PLD5: variants seen among roughly 807,000 people sequenced by gnomAD.
PLD5 encodes inactive phospholipase D5.
In PLD5, 36 loss-of-function variants were observed where a neutral mutation model predicts 61.1. The ratio of observed to expected loss-of-function variants is 0.59; its 90% CI spans 0.45 to 0.78. PLD5 has a LOEUF of 0.78. Among genes scored for constraint, PLD5 ranks in the 30% least tolerant of loss-of-function variants. The pLI is 0.00. For synonymous variants in PLD5, 243 were observed against 242.8 expected (o/e 1.00, Z -0.01); for missense variants, 515 against 644.4 (o/e 0.80, Z 2.17).
chr1:242,431,483 G>A (rs61845897), intron 1 of PLD5, among the ~76,000 whole-genome samples: 2 of 152,012 alleles, frequency 1.3e-5, no homozygotes, highest in Admixed American at 6.6e-5. Context: ...TTTCACTCTC[G>A]CTTGCCTCTC....
intron 4 of PLD5, among the ~76,000 whole-genome samples, chr1:242,245,134 C>T (rs951187424): frequency 1.3e-5 from 2 of 151,978 alleles, no homozygotes; most frequent in African/African-American, 4.8e-5. Flanking sequence ...AGACTTGAAC[C>T]ACTGTAATAC....
At chr1:242,523,811 C>A (rs1206288251) in intron 1 of PLD5, among the ~76,000 whole-genome samples, 1 of 152,232 alleles carries the variant, frequency 6.6e-6, no homozygotes, top group Non-Finnish European at 1.5e-5. Context: ...ACCTCCAGAA[C>A]CCCGTGCAAA....
chr1:242,133,797 G>A (rs1373282643), intron 5 of PLD5, among the ~76,000 whole-genome samples: 1 of 152,192 alleles, frequency 6.6e-6, no homozygotes. Context: ...ATAAAACCTT[G>A]AGTAGAGTAA....
chr1:242,193,347 T>C (rs1006851223), intron 5 of PLD5, among the ~76,000 whole-genome samples: 3 of 152,154 alleles, frequency 2.0e-5, no homozygotes, highest in Non-Finnish European at 2.9e-5. Flanking sequence ...AGGGAGAGAC[T>C]GAGAATTCAG....
At chr1:242,340,937 C>T (rs945868636) in intron 2 of PLD5, among the ~76,000 whole-genome samples, 25 of 151,992 alleles carry the variant, frequency 1.6e-4, no homozygotes, top group Non-Finnish European at 2.9e-4. Flanking sequence ...CCTGCGGTAT[C>T]ATTGTGTCTA....
chr1:242,420,060 C>A (rs73133745), intron 1 of PLD5, among the ~76,000 whole-genome samples: 195 of 152,274 alleles, frequency 1.3e-3, no homozygotes, highest in African/African-American at 4.5e-3. Context: ...GCTCCTGATT[C>A]TTGCTGTAGA....
rs151168974 is a variant in PLD5 at position 242,345,140 on chromosome 1, C to A, written c.326+2966G>T. Among the ~76,000 whole-genome samples the A allele has an allele frequency of 5.2e-3, 789 of 152,254 alleles. 8 individuals carry two copies. The highest frequency in any genetic ancestry group is 0.027 in the East Asian group (138 of 5,174). On this transcript the variant is annotated intron_variant, in intron 2 of 9. Coordinates refer to ENST00000536534, the MANE Select transcript of PLD5 (RefSeq NM_001372062.1). ...AGTTGAGATTTGAATGGGGCACAGC[C>A]AAACCATATCACCCACTGCAGTTGT...
chr1:242,234,651 C>T (rs1380216674), intron 4 of PLD5, among the ~76,000 whole-genome samples: 1 of 151,922 alleles, frequency 6.6e-6, no homozygotes, highest in Non-Finnish European at 1.5e-5. Flanking sequence ...AATTTATTGA[C>T]CCACTTCGGT....
chr1:242,394,413 A>T (rs1181275601), intron 1 of PLD5, among the ~76,000 whole-genome samples: 4 of 90,582 alleles, frequency 4.4e-5, no homozygotes, highest in Non-Finnish European at 6.6e-5. Context: ...TGTATATATG[A>T]GTATATATGT....
rs534478048 is a variant in PLD5 at position 242,230,064 on chromosome 1, A to G, written c.608-9949T>C. On this transcript the variant is annotated intron_variant, in intron 4 of 9. Coordinates refer to ENST00000536534, the MANE Select transcript of PLD5 (RefSeq NM_001372062.1). ...TATTAGTATTTAGTCGGTAGAGGCC[A>G]GAGATGCTGCTAAACATCCTGCATT... 2.0e-5 allele frequency among the ~76,000 whole-genome samples: 3 copies of G among 152,278 alleles called. No homozygotes were observed. In the East Asian group the frequency reaches 5.8e-4, roughly 29 times the overall value.
At chr1:242,385,697 C>T (rs1662559085) in intron 1 of PLD5, among the ~76,000 whole-genome samples, 1 of 152,118 alleles carries the variant, frequency 6.6e-6, no homozygotes. Flanking sequence ...TAAGCATTTA[C>T]CCTAACTTTT....
chr1:242,497,189 T>C (rs570269964), intron 1 of PLD5, among the ~76,000 whole-genome samples: 7 of 152,234 alleles, frequency 4.6e-5, no homozygotes, highest in African/African-American at 9.6e-5. Context: ...TGCATAAAGA[T>C]GTCACAGATT....
chr1:242,395,747 C>G (rs1170948354), intron 1 of PLD5, among the ~76,000 whole-genome samples: 1 of 152,140 alleles, frequency 6.6e-6, no homozygotes, highest in East Asian at 1.9e-4. Flanking sequence ...GGGGGACTGA[C>G]TGAGTGAAGA....
chr1:242,322,116 G>A (rs555039634), intron 2 of PLD5, among the ~76,000 whole-genome samples: 47 of 152,320 alleles, frequency 3.1e-4, no homozygotes, highest in African/African-American at 1.1e-3. Context: ...CATGTGTGAT[G>A]GGTGGGGTTG....
intron 5 of PLD5, among the ~76,000 whole-genome samples, chr1:242,131,749 T>C (rs1417670823): frequency 1.3e-5 from 2 of 152,112 alleles, no homozygotes; most frequent in Non-Finnish European, 2.9e-5. Context: ...TCCTCCTCTT[T>C]CTGCCTAGGT....
intron 5 of PLD5, among the ~76,000 whole-genome samples, chr1:242,190,681 A>T (rs1158404575): frequency 2.6e-5 from 4 of 151,902 alleles, no homozygotes; most frequent in Non-Finnish European, 4.4e-5. Context: ...CAGGAGTTGG[A>T]GATCAGGCTG....
intron 2 of PLD5, among the ~76,000 whole-genome samples, chr1:242,321,969 C>G (rs954056681): frequency 1.3e-5 from 2 of 152,136 alleles, no homozygotes; most frequent in Non-Finnish European, 2.9e-5. Context: ...CCCTGCTCAT[C>G]AAAACACCAA....
rs1558151701 is a variant in PLD5 at position 242,501,793 on chromosome 1, TATA to T, written c.189+22292_189+22294del. Among the ~76,000 whole-genome samples, 4 of 39,432 alleles carry T rather than the reference TATA, an allele frequency of 1.0e-4. No individual in the cohort carries two copies. In the East Asian group the frequency reaches 6.3e-3, roughly 62 times the overall value. 25.9% of individuals were successfully genotyped at this position (39,432 alleles called of 152,430 possible). A position where few individuals can be genotyped will look rare whatever the true frequency, so the allele number is the denominator to read the frequency against. On this transcript the variant is annotated intron_variant, in intron 1 of 9. Transcript: ENST00000536534. ...ATTAAGATATATTAATATTCCATTA[TATA>T]TATATATATATATACACTACATCAT...
intron 1 of PLD5, among the ~76,000 whole-genome samples, chr1:242,482,489 G>A (rs1167228497): frequency 6.6e-6 from 1 of 152,172 alleles, no homozygotes; most frequent in African/African-American, 2.4e-5. Context: ...GAAATGAAGT[G>A]AGAAGAGAAG....
Sources: gnomAD v4.1 joint callset for allele counts (sites outside exome capture counted in the v4.1 genomes callset) on GRCh38, gnomAD v4.1.1 for gene constraint, MANE v1.5 for transcripts, NCBI Gene and HGNC (gene_info 2026-07-23, HGNC 2026-07-21) for gene names.